The following ZNF273 variants were observed in gnomAD, a reference collection of about 807,000 sequenced individuals.
ZNF273 encodes zinc finger protein 273.
ZNF273 carries 11 observed loss-of-function variants against 14.9 expected under a neutral mutation model. The ratio of observed to expected loss-of-function variants is 0.74; its 90% CI spans 0.46 to 1.22. ZNF273 has a LOEUF of 1.22. Among genes scored for constraint, ZNF273 ranks in the 50% most tolerant of loss-of-function variants. The pLI is 0.00. For missense variants in ZNF273, 577 were observed against 660.6 expected (o/e 0.87, Z 1.39); for synonymous variants, 199 against 223.9 (o/e 0.89, Z 0.99).
downstream of ZNF273, among the ~76,000 whole-genome samples, chr7:64,893,247 CTG>C (rs1203043827): frequency 2.0e-5 from 3 of 152,182 alleles, no homozygotes; most frequent in African/African-American, 4.8e-5. Context: ...CAACCAAACA[CTG>C]TGACATTTTG....
At chr7:64,923,154 C>T (rs780291190) in intron 3 of ZNF273, among the ~76,000 whole-genome samples, 4 of 151,822 alleles carry the variant, frequency 2.6e-5, no homozygotes, top group Non-Finnish European at 4.4e-5. Context: ...AAACACTACT[C>T]TTTTTTTTCT....
Position 64,929,070 on chromosome 7 carries a change from G to T in ZNF273, c.*32G>T. 5.6e-6 allele frequency: 7 copies of T among 1,258,254 alleles called. No individual in the cohort carries two copies. Among genetic ancestry groups the T allele is most frequent in the Non-Finnish European group, 7.0e-6 (7 of 995,934 alleles). 77.9% of individuals were successfully genotyped at this position (1,258,254 alleles called of 1,614,324 possible). A position where few individuals can be genotyped will look rare whatever the true frequency, so the allele number is the denominator to read the frequency against. ...GAAGAATGTGACAAAGCCTTTAAGCGGTTGTCACACTTGATTGTATATAAG... is the reference window on the plus strand; with the variant it reads ...GAAGAATGTGACAAAGCCTTTAAGCTGTTGTCACACTTGATTGTATATAAG... On this transcript the variant is annotated 3_prime_UTR_variant, in exon 4 of 4. Coordinates refer to ENST00000476120, the MANE Select transcript of ZNF273 (RefSeq NM_021148.3).
intron 1 of ZNF273, among the ~76,000 whole-genome samples, chr7:64,887,551 G>A (rs1189775714): frequency 6.6e-6 from 1 of 152,204 alleles, no homozygotes; most frequent in Non-Finnish European, 1.5e-5. Context: ...AGGCTGGAGT[G>A]CAGTGGTGGG....
At position 64,929,852 on chromosome 7, in the gene ZNF273, T is replaced by A. The variant is rs1481293106; in HGVS notation, c.*814T>A. The A allele has an allele frequency of 6.6e-6, 1 of 150,854 alleles. No individual in the cohort carries two copies. The highest frequency in any genetic ancestry group is 1.4e-5 in the Non-Finnish European group (1 of 70,750). 9.3% of individuals were successfully genotyped at this position (150,854 alleles called of 1,614,324 possible). On this transcript the variant is annotated 3_prime_UTR_variant, in exon 4 of 4. Coordinates refer to ENST00000476120, the MANE Select transcript of ZNF273 (RefSeq NM_021148.3). ...GTTTTTTTTTTTTTGGTTTTGGTTT[T>A]GGGTTTTTTGTTTGTTTGTTTGTTT...
intron 1 of ZNF273, among the ~76,000 whole-genome samples, chr7:64,910,835 G>A (rs914634755): frequency 1.4e-5 from 2 of 144,010 alleles, no homozygotes; most frequent in East Asian, 2.0e-4. Context: ...GTGCAATCTC[G>A]ACTCACTGCA....
Position 64,886,522 on chromosome 7 carries a change from G to A in ZNF273, n.274-2051G>A, listed in dbSNP as rs116686052. On this transcript the variant is annotated intron_variant and non_coding_transcript_variant, in intron 1 of 1. Coordinates refer to the ZNF273 transcript ENST00000471926. The stretch of plus-strand genomic sequence containing the variant: ...ACATGTTTACTGGGCACCTGGTGCA[G>A]GGCTAAGAAATCTGCCATTATAATC... 1.3e-3 allele frequency among the ~76,000 whole-genome samples: 194 copies of A among 152,324 alleles called. 1 individual carries two copies. The highest frequency in any genetic ancestry group is 4.5e-3 in the African/African-American group (188 of 41,574).
intron 1 of ZNF273, among the ~76,000 whole-genome samples, chr7:64,916,453 G>A (rs1793997485): frequency 6.7e-6 from 1 of 149,166 alleles, no homozygotes; most frequent in Non-Finnish European, 1.5e-5. Context: ...ACTGAAGCAG[G>A]AGAATCGCTT....
Position 64,910,766 on chromosome 7 carries a change from A to AT in ZNF273, c.103-6799dup, listed in dbSNP as rs931675627. On this transcript the variant is annotated intron_variant, in intron 1 of 3. Coordinates refer to ENST00000476120, the MANE Select transcript of ZNF273 (RefSeq NM_021148.3). ...TAAAATAGCATTAAATCTGTAATTT[A>AT]TTTTTTTTTTTTTTTTGAGACGAAG... Among the ~76,000 whole-genome samples the AT allele has an allele frequency of 1.6e-4, 13 of 81,966 alleles. 1 individual carries two copies. Among genetic ancestry groups the AT allele is most frequent in the African/African-American group, 1.0e-3 (13 of 12,680 alleles). 53.8% of individuals were successfully genotyped at this position (81,966 alleles called of 152,430 possible). A position where few individuals can be genotyped will look rare whatever the true frequency, so the allele number is the denominator to read the frequency against.
intron 1 of ZNF273, among the ~76,000 whole-genome samples, chr7:64,912,387 G>A (rs914967161): frequency 1.3e-4 from 20 of 152,198 alleles, no homozygotes; most frequent in Admixed American, 1.2e-3. Flanking sequence ...TGTCTGTGGG[G>A]TGTTGTTTTC....
chr7:64,934,750 T>C (rs917798527), downstream of ZNF273, among the ~76,000 whole-genome samples: 2 of 152,030 alleles, frequency 1.3e-5, no homozygotes, highest in Non-Finnish European at 2.9e-5. Flanking sequence ...GTAATAACTT[T>C]AGTGTTTTTT....
chr7:64,888,277 T>TG (rs1201671291), intron 1 of ZNF273: 13 of 984,376 alleles, frequency 1.3e-5, no homozygotes, highest in African/African-American at 8.7e-5. Context: ...CCTGTCTCTA[T>TG]GGGGGTCCTT....
At chr7:64,931,082 A>G (rs902165132), downstream of ZNF273, 1 of 152,176 alleles carries the variant, frequency 6.6e-6, no homozygotes. Flanking sequence ...TTAAATATAC[A>G]TATATTTTAC....
chr7:64,906,373 G>A (rs1309941757), intron 1 of ZNF273, among the ~76,000 whole-genome samples: 1 of 152,098 alleles, frequency 6.6e-6, no homozygotes, highest in African/African-American at 2.4e-5. Flanking sequence ...AAAATAATAC[G>A]TTTATCATCT....
downstream of ZNF273, among the ~76,000 whole-genome samples, chr7:64,880,749 T>TA (rs2129028216): frequency 6.6e-6 from 1 of 152,176 alleles, no homozygotes; most frequent in African/African-American, 2.4e-5. Context: ...GCAACTCTTC[T>TA]AGAAAGCAGA....
At chr7:64,922,418 T>C (rs144944512) in intron 3 of ZNF273, among the ~76,000 whole-genome samples, 1,754 of 151,954 alleles carry the variant, frequency 0.012, 15 homozygotes, top group Non-Finnish European at 0.018. Flanking sequence ...AACCTCTGCC[T>C]CCCAGGTTCA....
intron 1 of ZNF273, among the ~76,000 whole-genome samples, chr7:64,915,831 G>A (rs1314075924): frequency 6.6e-6 from 1 of 152,146 alleles, no homozygotes; most frequent in Non-Finnish European, 1.5e-5. Context: ...TTAGCTCTAT[G>A]CAGAACAGAA....
chr7:64,906,686 GA>G (rs1793133279), intron 1 of ZNF273, among the ~76,000 whole-genome samples: 1 of 52,080 alleles, frequency 1.9e-5, no homozygotes, highest in Non-Finnish European at 4.6e-5. Context: ...CCTTTATACT[GA>G]GAGAAGCTAC....
intron 1 of ZNF273, chr7:64,917,239 C>A: frequency 1.8e-6 from 1 of 557,894 alleles, no homozygotes; most frequent in Non-Finnish European, 2.7e-6. Flanking sequence ...TAGCTTGTAA[C>A]ACAGCATTTC....
the ZNF273 span, among the ~76,000 whole-genome samples, chr7:64,936,773 G>C: frequency 6.6e-6 from 1 of 152,180 alleles, no homozygotes; most frequent in Non-Finnish European, 1.5e-5. Flanking sequence ...GCACACAAGT[G>C]CTACTCAAAT....
Sources: gnomAD v4.1 joint callset for allele counts (sites outside exome capture counted in the v4.1 genomes callset) on GRCh38, gnomAD v4.1.1 for gene constraint, MANE v1.5 for transcripts, NCBI Gene and HGNC (gene_info 2026-07-23, HGNC 2026-07-21) for gene names.